GALNT13: variants seen among roughly 807,000 people sequenced by gnomAD.
GALNT13 encodes the protein UDP-GalNAc:polypeptide N-acetylgalactosaminyltransferase 13.
A neutral mutation model predicts 64.2 loss-of-function variants in GALNT13; 28 were observed. That is an observed-to-expected ratio of 0.44 (90% confidence interval 0.32 to 0.60). The LOEUF (loss-of-function observed/expected upper bound fraction) is 0.60. Among genes scored for constraint, GALNT13 ranks in the 20% least tolerant of loss-of-function variants. The probability of loss-of-function intolerance (pLI) is 0.05; values close to 1 mark genes in which losing one functional copy is unlikely to be tolerated. For synonymous variants in GALNT13, 214 were observed against 224.6 expected (o/e 0.95, Z 0.42); for missense variants, 577 against 669.8 (o/e 0.86, Z 1.53).
the GALNT13 span, among the ~76,000 whole-genome samples, chr2:153,691,759 C>T: frequency 6.6e-6 from 1 of 151,952 alleles, no homozygotes; most frequent in South Asian, 2.1e-4. Context: ...GGATGTGAAG[C>T]AACTAGAACT....
At chr2:153,187,732 T>G in the GALNT13 span, among the ~76,000 whole-genome samples, 1 of 152,186 alleles carries the variant, frequency 6.6e-6, no homozygotes, top group Non-Finnish European at 1.5e-5. Flanking sequence ...AATCTACTCT[T>G]CTATTCCTTT....
chr2:153,140,271 G>A, the GALNT13 span, among the ~76,000 whole-genome samples: 11 of 151,886 alleles, frequency 7.2e-5, no homozygotes, highest in Non-Finnish European at 7.4e-5. Flanking sequence ...CCATTCCCAC[G>A]AGAACCCGAT....
At chr2:153,673,439 C>T in the GALNT13 span, among the ~76,000 whole-genome samples, 2 of 152,142 alleles carry the variant, frequency 1.3e-5, no homozygotes, top group Admixed American at 1.3e-4. Flanking sequence ...ATCACATAAA[C>T]AGAACCAACA....
chr2:153,168,686 T>A, the GALNT13 span, among the ~76,000 whole-genome samples: 1 of 152,192 alleles, frequency 6.6e-6, no homozygotes, highest in Non-Finnish European at 1.5e-5. Flanking sequence ...AGTTTCTTCA[T>A]CTATAAAATA....
At chr2:154,046,012 T>A (rs982557351) in intron 3 of GALNT13, among the ~76,000 whole-genome samples, 1 of 152,072 alleles carries the variant, frequency 6.6e-6, no homozygotes, top group Non-Finnish European at 1.5e-5. Context: ...TGCAGGATTA[T>A]GAATAAGACC....
the GALNT13 span, among the ~76,000 whole-genome samples, chr2:153,437,447 T>A: frequency 3.3e-5 from 5 of 152,226 alleles, no homozygotes; most frequent in Non-Finnish European, 5.9e-5. Flanking sequence ...CCCACTATTA[T>A]TGTGTGGGAG....
the GALNT13 span, among the ~76,000 whole-genome samples, chr2:153,697,766 C>T: frequency 6.6e-6 from 1 of 152,180 alleles, no homozygotes; most frequent in Non-Finnish European, 1.5e-5. Context: ...ATCTGAATGA[C>T]ATGCGAATGT....
chr2:153,875,121 TA>T (rs1278960807), intron 1 of GALNT13, among the ~76,000 whole-genome samples: 8 of 151,724 alleles, frequency 5.3e-5, no homozygotes, highest in Admixed American at 1.3e-4. Context: ...CATATATATA[TA>T]TATATATGAG....
intron 4 of GALNT13, among the ~76,000 whole-genome samples, chr2:154,141,662 G>T (rs1461112140): frequency 6.6e-6 from 1 of 151,914 alleles, no homozygotes; most frequent in Non-Finnish European, 1.5e-5. Context: ...TGCATAAAAA[G>T]GTCCATATAC....
chr2:154,113,867 A>G (rs935603418), intron 3 of GALNT13, among the ~76,000 whole-genome samples: 2 of 152,240 alleles, frequency 1.3e-5, no homozygotes, highest in Non-Finnish European at 2.9e-5. Context: ...GGTGGGCCTT[A>G]TGGACAGGAA....
At chr2:154,251,437 C>T (rs947070495) in intron 7 of GALNT13, among the ~76,000 whole-genome samples, 2 of 152,094 alleles carry the variant, frequency 1.3e-5, no homozygotes, top group East Asian at 3.9e-4. Context: ...GTATTTGATT[C>T]TCATGCTTAT....
chr2:153,363,606 C>T, the GALNT13 span, among the ~76,000 whole-genome samples: 2 of 152,116 alleles, frequency 1.3e-5, no homozygotes, highest in Non-Finnish European at 2.9e-5. Flanking sequence ...ATTATAAACA[C>T]CTCTACACAA....
intron 8 of GALNT13, among the ~76,000 whole-genome samples, chr2:154,281,700 A>T (rs1489067028): frequency 6.6e-6 from 1 of 152,034 alleles, no homozygotes; most frequent in Non-Finnish European, 1.5e-5. Flanking sequence ...CATACCTCTC[A>T]CACACACCGG....
chr2:153,545,720 A>G, the GALNT13 span, among the ~76,000 whole-genome samples: 1 of 152,144 alleles, frequency 6.6e-6, no homozygotes. Flanking sequence ...GGTTGAGGTT[A>G]TGCCCCAATA....
At chr2:153,827,313 G>A in the GALNT13 span, among the ~76,000 whole-genome samples, 2 of 152,114 alleles carry the variant, frequency 1.3e-5, no homozygotes, top group South Asian at 4.1e-4. Context: ...AATTGTGGGA[G>A]TTACAATTCA....
At chr2:153,490,246 T>A in the GALNT13 span, among the ~76,000 whole-genome samples, 5 of 152,196 alleles carry the variant, frequency 3.3e-5, no homozygotes, top group African/African-American at 1.2e-4. Flanking sequence ...TACTGGAAAA[T>A]TTTTTAAAAA....
intron 8 of GALNT13, among the ~76,000 whole-genome samples, chr2:154,266,750 A>T (rs772947080): frequency 3.2e-4 from 48 of 151,800 alleles, no homozygotes; most frequent in Admixed American, 5.9e-4. Flanking sequence ...ATCAATATAG[A>T]TTCAATGCAA....
At chr2:153,766,268 C>T in the GALNT13 span, among the ~76,000 whole-genome samples, 2 of 151,810 alleles carry the variant, frequency 1.3e-5, no homozygotes. Flanking sequence ...TGTTCCTTAT[C>T]TCTTGCTATT....
the GALNT13 span, among the ~76,000 whole-genome samples, chr2:153,819,527 A>T: frequency 6.6e-6 from 1 of 152,196 alleles, no homozygotes; most frequent in African/African-American, 2.4e-5. Context: ...ACTTGCCATC[A>T]GGACATTTGT....
Sources: gnomAD v4.1 joint callset for allele counts (sites outside exome capture counted in the v4.1 genomes callset) on GRCh38, gnomAD v4.1.1 for gene constraint, MANE v1.5 for transcripts, NCBI Gene and HGNC (gene_info 2026-07-23, HGNC 2026-07-21) for gene names.